Variants in SLC14A2 observed in about 807,000 individuals in gnomAD.
The protein encoded by SLC14A2 is solute carrier family 14 member 2.
A neutral mutation model predicts 104.6 loss-of-function variants in SLC14A2; 91 were observed. The observed-to-expected ratio is 0.87, with a 90% CI of 0.73 to 1.04. The LOEUF (loss-of-function observed/expected upper bound fraction) is 1.04, where lower values mean the gene tolerates loss of function less well. Ranked by LOEUF, SLC14A2 falls within the 50% of genes least tolerant of loss-of-function variation. SLC14A2 has a pLI of 0.00. For synonymous variants in SLC14A2, 476 were observed against 466.4 expected (o/e 1.02, Z -0.27); for missense variants, 1,189 against 1,156.0 (o/e 1.03, Z -0.41).
chr18:45,660,664 C>G (rs1235455419), intron 10 of SLC14A2, among the ~76,000 whole-genome samples: 2 of 152,184 alleles, frequency 1.3e-5, no homozygotes, highest in Non-Finnish European at 2.9e-5. Context: ...ATGTGACTTG[C>G]AAAACACCAT....
At chr18:45,511,349 T>C (rs1258855100) in intron 2 of SLC14A2, among the ~76,000 whole-genome samples, 1 of 152,180 alleles carries the variant, frequency 6.6e-6, no homozygotes, top group African/African-American at 2.4e-5. Flanking sequence ...ATTTATATAG[T>C]AGCTTAAACA....
intron 10 of SLC14A2, among the ~76,000 whole-genome samples, chr18:45,654,658 G>A (rs1340032299): frequency 6.6e-6 from 1 of 152,162 alleles, no homozygotes; most frequent in Admixed American, 6.5e-5. Flanking sequence ...AGCTGGGTAG[G>A]CTTTAATAGA....
At chr18:45,395,470 G>A (rs1411087400) in intron 1 of SLC14A2, among the ~76,000 whole-genome samples, 1 of 152,168 alleles carries the variant, frequency 6.6e-6, no homozygotes, top group Non-Finnish European at 1.5e-5. Flanking sequence ...CTAGAGATCT[G>A]CTTCACAACA....
upstream of SLC14A2, among the ~76,000 whole-genome samples, chr18:45,210,176 A>G (rs1409119025): frequency 6.6e-6 from 1 of 152,202 alleles, no homozygotes; most frequent in Non-Finnish European, 1.5e-5. Flanking sequence ...TAGAATGAGT[A>G]TTTCATACCC....
At chr18:45,355,911 G>T (rs911332354) in intron 1 of SLC14A2, among the ~76,000 whole-genome samples, 4 of 152,142 alleles carry the variant, frequency 2.6e-5, no homozygotes, top group African/African-American at 9.7e-5. Flanking sequence ...AAGGTATAAG[G>T]CAGGAGCTGA....
intron 1 of SLC14A2, among the ~76,000 whole-genome samples, chr18:45,624,005 T>C (rs1441802883): frequency 6.6e-6 from 1 of 152,116 alleles, no homozygotes; most frequent in African/African-American, 2.4e-5. Flanking sequence ...AAGCAAGTCA[T>C]GGCATAAGCC....
the SLC14A2 span, among the ~76,000 whole-genome samples, chr18:45,185,678 GAAA>G: frequency 6.6e-6 from 1 of 151,650 alleles, no homozygotes; most frequent in Non-Finnish European, 1.5e-5. Context: ...ATCAAATTTT[GAAA>G]GAAAAAAATA....
the SLC14A2 span, among the ~76,000 whole-genome samples, chr18:45,178,833 A>G: frequency 1.4e-4 from 22 of 152,208 alleles, no homozygotes; most frequent in Admixed American, 1.3e-4. Flanking sequence ...CCCTAGCTCT[A>G]GTACCTGTGT....
chr18:45,240,900 C>T (rs892022504), intron 1 of SLC14A2, among the ~76,000 whole-genome samples: 1 of 152,002 alleles, frequency 6.6e-6, no homozygotes, highest in African/African-American at 2.4e-5. Context: ...CCTGGTGATT[C>T]GCCTGCCTCA....
chr18:45,666,197 G>A lies in SLC14A2; in HGVS notation c.1535G>A (p.Arg512Gln), dbSNP rs143601738. 1.1e-5 allele frequency: 17 copies of A among 1,613,140 alleles called. No homozygotes were observed. The highest frequency in any genetic ancestry group is 6.7e-5 in the East Asian group (3 of 44,888). Residue 512 changes from arginine (R) to glutamine (Q), a missense_variant, in exon 12 of 20, where the codon CGG (arginine) becomes CAG (glutamine). Transcript: ENST00000255226. ...QNKDPFPYRY[R>Q]KPTVELLDLD... is the part of the protein sequence containing the mutation. ...AAAGACCCATTTCCCTATCGATACC[G>A]GAAGCCCACAGTCGAGCTGCTTGTG...
At chr18:45,301,272 C>T (rs1251312361) in intron 1 of SLC14A2, among the ~76,000 whole-genome samples, 7 of 152,184 alleles carry the variant, frequency 4.6e-5, no homozygotes, top group Non-Finnish European at 7.3e-5. Context: ...ACTAGAACCC[C>T]GACACTGTGG....
At chr18:45,278,555 G>A (rs182407489) in intron 1 of SLC14A2, among the ~76,000 whole-genome samples, 157 of 152,246 alleles carry the variant, frequency 1.0e-3, no homozygotes, top group African/African-American at 3.5e-3. Context: ...TCACTGTGAT[G>A]GGCAAAAGGG....
At chr18:45,354,918 ATGTTTTGTTTTGTT>A (rs1009667869) in intron 1 of SLC14A2, among the ~76,000 whole-genome samples, 2 of 152,112 alleles carry the variant, frequency 1.3e-5, no homozygotes, top group Non-Finnish European at 2.9e-5. Context: ...TGCTAATTCT[ATGTTTTGTTTTGTT>A]TGTTTTGTTT....
rs111735559 is a variant in SLC14A2 at position 45,256,617 on chromosome 18, G to A, written c.-125+43426G>A. On this transcript the variant is annotated intron_variant, in intron 1 of 20. Coordinates refer to the SLC14A2 transcript ENST00000586448. ...CATACTTTTGTGTTGCTTCTCTGAT[G>A]TGATAATTTCATTTTAACAAAGGGT... Among the ~76,000 whole-genome samples, 293 of 152,308 alleles carry A rather than the reference G, an allele frequency of 1.9e-3. 1 individual carries two copies. The highest frequency in any genetic ancestry group is 3.7e-3 in the Non-Finnish European group (251 of 68,024).
chr18:45,638,173 C>T (rs2045455165), intron 6 of SLC14A2, among the ~76,000 whole-genome samples: 1 of 152,174 alleles, frequency 6.6e-6, no homozygotes, highest in Non-Finnish European at 1.5e-5. Flanking sequence ...AAATAGACTT[C>T]CAGCCTGTTC....
chr18:45,261,187 C>G (rs111537334), intron 1 of SLC14A2, among the ~76,000 whole-genome samples: 1 of 151,406 alleles, frequency 6.6e-6, no homozygotes, highest in African/African-American at 2.4e-5. Flanking sequence ...CAACAGGCCC[C>G]GGTGTGTGAT....
chr18:45,242,261 C>G (rs147817934), intron 1 of SLC14A2, among the ~76,000 whole-genome samples: 202 of 152,232 alleles, frequency 1.3e-3, no homozygotes, highest in Non-Finnish European at 2.0e-3. Context: ...CTCTTTATGG[C>G]TTACTTTCAT....
chr18:45,529,932 C>T (rs2043656267), intron 2 of SLC14A2: 2 of 152,176 alleles, frequency 1.3e-5, no homozygotes, highest in Non-Finnish European at 2.9e-5. Context: ...CCAAGCCAGG[C>T]ACCAAGATGG....
At chr18:45,388,064 C>CTTTTTTTTTTTT (rs58962313) in intron 1 of SLC14A2, among the ~76,000 whole-genome samples, 2 of 69,092 alleles carry the variant, frequency 2.9e-5, no homozygotes, top group African/African-American at 1.2e-4. Flanking sequence ...TTGCTCATAT[C>CTTTTTTTTTTTT]TTTTTTTTTT....
Sources: allele counts gnomAD v4.1 joint callset (sites outside exome capture counted in the v4.1 genomes callset), GRCh38; gene constraint gnomAD v4.1.1; transcripts MANE v1.5; gene names NCBI Gene and HGNC (gene_info 2026-07-23, HGNC 2026-07-21).